Variants in PTPRN2 observed in about 807,000 individuals in gnomAD.
PTPRN2 encodes the protein receptor-type tyrosine-protein phosphatase N2.
PTPRN2 carries 74 observed loss-of-function variants against 118.8 expected under a neutral mutation model. The ratio of observed to expected loss-of-function variants is 0.62; its 90% confidence interval spans 0.52 to 0.76. PTPRN2 has a LOEUF of 0.76. Ranked by LOEUF, PTPRN2 falls within the 30% of genes least tolerant of loss-of-function variation. The pLI is 0.00. For synonymous variants in PTPRN2, 641 were observed against 608.0 expected, an observed-to-expected ratio of 1.05 and a Z score of -0.80; for missense variants, 1,481 against 1,394.4, an observed-to-expected ratio of 1.06 and a Z score of -0.99.
intron 11 of PTPRN2, among the ~76,000 whole-genome samples, chr7:158,061,580 A>T (rs1329483284): frequency 6.6e-6 from 1 of 152,164 alleles, no homozygotes; most frequent in Non-Finnish European, 1.5e-5. Context: ...TGGTGTCCAC[A>T]ATTACTTGTG....
intron 3 of PTPRN2, among the ~76,000 whole-genome samples, chr7:158,305,934 C>A (rs1231690284): frequency 1.3e-5 from 2 of 152,158 alleles, no homozygotes; most frequent in Non-Finnish European, 2.9e-5. Context: ...GAGCAGCCCA[C>A]AATGGCAGTA....
chr7:157,748,714 C>T lies in PTPRN2; in HGVS notation c.1789-65777G>A, dbSNP rs1206951436. Reference sequence around the variant, plus strand: ...TGAGCTGTGGGCTGTTGAGGTGATTCTGAGGCCTGCGTCCCTGAGCTGTGG... The same window carrying T: ...TGAGCTGTGGGCTGTTGAGGTGATTTTGAGGCCTGCGTCCCTGAGCTGTGG... On this transcript the variant is annotated intron_variant, in intron 12 of 22. Transcript: ENST00000389418. 3.6e-5 allele frequency among the ~76,000 whole-genome samples: 5 copies of T among 138,830 alleles called. No individual in the cohort carries two copies. In the East Asian group the frequency reaches 1.1e-3, roughly 31 times the overall value. The allele number at this position is 138,830 out of a possible 152,430, so 91.1% of individuals were successfully genotyped here.
At position 157,874,160 on chromosome 7, in the gene PTPRN2, G is replaced by A. The variant is rs1379105592; in HGVS notation, c.1788+24513C>T. 2.6e-5 allele frequency among the ~76,000 whole-genome samples: 4 copies of A among 152,226 alleles called. No individual in the cohort carries two copies. Among genetic ancestry groups the A allele is most frequent in the East Asian group, 1.9e-4 (1 of 5,174 alleles). On this transcript the variant is annotated intron_variant, in intron 12 of 22. Transcript: ENST00000389418. This position sits in a 1 kb window ranked among gnomAD's most constrained non-coding sequence, Gnocchi z 5.8. ...CTGCCTAGCTCCAGCCTTGTCCTGCGGAAGGTGCTGAAGCGGCCCTCAGTC... is the reference window on the plus strand; with the variant it reads ...CTGCCTAGCTCCAGCCTTGTCCTGCAGAAGGTGCTGAAGCGGCCCTCAGTC...
At chr7:157,571,385 T>C (rs1799751776) in intron 20 of PTPRN2, 55 bp downstream of exon 20, 3 of 1,338,832 alleles carry the variant, frequency 2.2e-6, no homozygotes, top group Admixed American at 2.0e-5. Context: ...TTTAATTGCA[T>C]AGATTAGTTT....
chr7:157,621,372 G>T lies in PTPRN2; in HGVS notation c.2334C>A (p.Ala778=), dbSNP rs1130502. 6.5e-7 allele frequency: 1 copy of T among 1,549,562 alleles called. No homozygotes were observed. Among genetic ancestry groups the T allele is most frequent in the Non-Finnish European group, 8.9e-7 (1 of 1,124,518 alleles). The change falls in exon 15 of 23, where the codon GCC becomes GCA. Residue 778 remains alanine (A), a synonymous_variant. Transcript: ENST00000389418. ...GGGGCTGGTACGTACAGGTCAGCAC[G>T]GCCAGGGAGCGGTTCTTGGGCACGT... ...EENVPKNRSL[A]VLTYDHSRVL... is the part of the protein sequence containing the mutation.
chr7:157,916,155 G>A (rs1009071378), intron 11 of PTPRN2, among the ~76,000 whole-genome samples: 2 of 152,336 alleles, frequency 1.3e-5, no homozygotes, highest in Middle Eastern at 3.4e-3. Flanking sequence ...AAATGGCAAC[G>A]ACACCTTTTC....
At chr7:157,717,488 G>A (rs1374189156) in intron 12 of PTPRN2, among the ~76,000 whole-genome samples, 3 of 152,256 alleles carry the variant, frequency 2.0e-5, no homozygotes, top group Non-Finnish European at 4.4e-5. Context: ...GTGAGTGTCC[G>A]AGCCTGCAAT....
intron 11 of PTPRN2, among the ~76,000 whole-genome samples, chr7:158,065,701 T>C (rs989805446): frequency 1.8e-4 from 28 of 152,198 alleles, no homozygotes; most frequent in Middle Eastern, 3.2e-3. Flanking sequence ...AGAACTCTTA[T>C]TCATTTTCAG....
chr7:158,554,163 G>C (rs1156921180), intron 1 of PTPRN2, among the ~76,000 whole-genome samples: 1 of 152,222 alleles, frequency 6.6e-6, no homozygotes, highest in Non-Finnish European at 1.5e-5. Flanking sequence ...CTACTCAGGA[G>C]GCTGAGGCAT....
chr7:157,750,694 G>T (rs1460837046), intron 12 of PTPRN2, among the ~76,000 whole-genome samples: 2 of 152,250 alleles, frequency 1.3e-5, no homozygotes, highest in African/African-American at 4.8e-5. Context: ...GCTTTCAGTT[G>T]TCCTCTCCCT....
At chr7:157,855,942 GC>G (rs1179007183) in intron 12 of PTPRN2, 1 of 152,196 alleles carries the variant, frequency 6.6e-6, no homozygotes, top group African/African-American at 2.4e-5. Context: ...TGGAGGCCTG[GC>G]CGGAAGTGCA....
At chr7:157,846,388 T>C (rs1808802309) in intron 12 of PTPRN2, among the ~76,000 whole-genome samples, 1 of 151,820 alleles carries the variant, frequency 6.6e-6, no homozygotes, top group African/African-American at 2.4e-5. Flanking sequence ...CATTATGAAA[T>C]CTCTCAGGCC....
chr7:158,092,983 C>T (rs537243077), intron 10 of PTPRN2, among the ~76,000 whole-genome samples: 1 of 152,320 alleles, frequency 6.6e-6, no homozygotes, highest in Admixed American at 6.5e-5. Context: ...TAAGTTGAAA[C>T]CCTTGTAGTT....
intron 11 of PTPRN2, among the ~76,000 whole-genome samples, chr7:158,062,648 G>A (rs916557848): frequency 3.3e-5 from 5 of 152,176 alleles, no homozygotes; most frequent in Admixed American, 3.3e-4. Context: ...CGTGGGCTCG[G>A]CAGGCCCCAC....
chr7:158,452,913 G>A, intron 2 of PTPRN2, among the ~76,000 whole-genome samples: 1 of 152,208 alleles, frequency 6.6e-6, no homozygotes, highest in East Asian at 1.9e-4. Flanking sequence ...GGGGCACAGA[G>A]GGCCCCACTC....
chr7:157,966,222 T>C (rs1380821416), intron 11 of PTPRN2, among the ~76,000 whole-genome samples: 1 of 152,156 alleles, frequency 6.6e-6, no homozygotes, highest in African/African-American at 2.4e-5. Context: ...GCTGTCCTGG[T>C]TTAACTGCCT....
intron 5 of PTPRN2, among the ~76,000 whole-genome samples, chr7:158,179,166 T>C (rs1824479911): frequency 1.3e-5 from 2 of 152,208 alleles, no homozygotes; most frequent in African/African-American, 2.4e-5. Flanking sequence ...TACCAACATC[T>C]ATTGTTTTGT....
intron 11 of PTPRN2, among the ~76,000 whole-genome samples, chr7:158,077,126 G>A (rs2128927181): frequency 6.6e-6 from 1 of 152,356 alleles, no homozygotes; most frequent in East Asian, 1.9e-4. Flanking sequence ...GACTAACGCA[G>A]AACGCTGCGG....
chr7:158,416,806 C>T lies in PTPRN2; in HGVS notation c.163+72929G>A, dbSNP rs373120682. ...AGCAGGGAAGTGGCTGTGAGGGAAA[C>T]GATGATATCCAGGGGAAATGGGGCA... On this transcript the variant is annotated intron_variant, in intron 2 of 22. Coordinates refer to ENST00000389418, the MANE Select transcript of PTPRN2 (RefSeq NM_002847.5). Among the ~76,000 whole-genome samples the T allele has an allele frequency of 9.9e-5, 15 of 152,212 alleles. 1 individual carries two copies. The East Asian group carries it at 1.5e-3, about 16-fold the overall frequency.
Sources: gnomAD v4.1 joint callset for allele counts (sites outside exome capture counted in the v4.1 genomes callset) on GRCh38, gnomAD v4.1.1 for gene constraint, Gnocchi (gnomAD v3.1) non-coding constraint, MANE v1.5 for transcripts, NCBI Gene and HGNC (gene_info 2026-07-23, HGNC 2026-07-21) for gene names.